The following ZDHHC11B variants were observed in gnomAD, a reference collection of about 807,000 sequenced individuals.
The protein encoded by ZDHHC11B is zDHHC palmitoyltransferase 11B (putative).
Under a neutral mutation model 42.3 loss-of-function variants are expected in ZDHHC11B, and 17 were observed. That is an observed-to-expected ratio of 0.40 (90% CI 0.27 to 0.60). The LOEUF (loss-of-function observed/expected upper bound fraction) is 0.60, where lower values mean the gene tolerates loss of function less well. Among genes scored for constraint, ZDHHC11B ranks in the 20% least tolerant of loss-of-function variants. The probability of loss-of-function intolerance (pLI) is 0.41; values close to 1 mark genes in which losing one functional copy is unlikely to be tolerated. For synonymous variants in ZDHHC11B, 123 were observed against 193.5 expected (o/e 0.64, Z 3.02); for missense variants, 262 against 463.2 (o/e 0.57, Z 3.99).
At chr5:743,609 T>C (rs1453933775) in intron 9 of ZDHHC11B, among the ~76,000 whole-genome samples, 1 of 149,778 alleles carries the variant, frequency 6.7e-6, no homozygotes, top group Non-Finnish European at 1.5e-5. Flanking sequence ...TAGCTTTCAG[T>C]GTACATATTT....
intron 12 of ZDHHC11B, among the ~76,000 whole-genome samples, chr5:720,830 G>A (rs1742128449): frequency 6.6e-6 from 1 of 151,610 alleles, no homozygotes; most frequent in African/African-American, 2.4e-5. Context: ...CTAAGTTGGG[G>A]CTGACTGTAG....
chr5:776,319 T>A lies in ZDHHC11B; in HGVS notation c.-229-7389A>T, dbSNP rs184877111. On this transcript the variant is annotated intron_variant, in intron 1 of 13. Transcript: ENST00000508859. ...CCACCTTGGCACCGAAGCCCTGGGATGGCCCCTCTGCAACGCCCAGTGCTC... is the reference window on the plus strand; with the variant it reads ...CCACCTTGGCACCGAAGCCCTGGGAAGGCCCCTCTGCAACGCCCAGTGCTC... 4.7e-3 allele frequency among the ~76,000 whole-genome samples: 709 copies of A among 151,694 alleles called. 5 individuals are homozygous for A. The highest frequency in any genetic ancestry group is 4.3e-3 in the Non-Finnish European group (290 of 67,786).
rs1440996624 is a variant in ZDHHC11B, at chr5:743,647, T to C, written c.900+1536A>G. On this transcript the variant is annotated intron_variant, in intron 9 of 13. Transcript: ENST00000508859. ...CCAAGGTTTGTTAAATTTATTCTTTTTTCATTAGATTATGAAAGGAAGTTT... is the reference window on the plus strand; with the variant it reads ...CCAAGGTTTGTTAAATTTATTCTTTCTTCATTAGATTATGAAAGGAAGTTT... Among the ~76,000 whole-genome samples, 3 of 149,968 alleles carry C rather than the reference T, an allele frequency of 2.0e-5. No homozygotes were observed. In the Admixed American group the frequency reaches 2.0e-4, roughly 10 times the overall value.
rs1258857558 is a variant in ZDHHC11B, at chr5:770,314, G to A, written c.-229-1384C>T. 4.6e-3 allele frequency among the ~76,000 whole-genome samples: 691 copies of A among 148,960 alleles called. 8 individuals are homozygous for A. Among genetic ancestry groups the A allele is most frequent in the African/African-American group, 0.016 (628 of 40,100 alleles). On this transcript the variant is annotated intron_variant, in intron 1 of 13. Coordinates refer to ENST00000508859, the MANE Select transcript of ZDHHC11B (RefSeq NM_001351303.2). ...CCCGCAGGCACGCATGTCCAGCCCC[G>A]GGCAGAGTGGAGCCAAGCGAGGCCT...
rs1187915138 is a variant in ZDHHC11B, at chr5:748,468, C to T, written c.720G>A (p.Val240=). ...TLIVVIIRML[V]LLLDLLGLVQ... is the part of the protein sequence containing the mutation. Reference sequence around the variant, plus strand: ...CCAAGCCAAGAAGGTCCAGCAGGAGCACGAGCATCCTGATGATCACGACTA... The same window carrying T: ...CCAAGCCAAGAAGGTCCAGCAGGAGTACGAGCATCCTGATGATCACGACTA... The change falls in exon 8 of 14, where the codon GTG becomes GTA. Residue 240 remains valine, a synonymous_variant. Coordinates refer to ENST00000508859, the MANE Select transcript of ZDHHC11B (RefSeq NM_001351303.2). 4.4e-6 allele frequency: 6 copies of T among 1,363,140 alleles called. 1 individual carries two copies. The highest frequency in any genetic ancestry group is 5.9e-6 in the Non-Finnish European group (6 of 1,024,112). The allele number at this position is 1,363,140 out of a possible 1,614,324, so 84.4% of individuals were successfully genotyped here. A position where few individuals can be genotyped will look rare whatever the true frequency, so the allele number is the denominator to read the frequency against.
Position 716,848 on chromosome 5 carries a change from G to A in ZDHHC11B, c.1076C>T (p.Thr359Ile), listed in dbSNP as rs763369609. Reference protein sequence around the residue: ...TSTLGLQQETTEPMKTDSAES... With the variant: ...TSTLGLQQETIEPMKTDSAES... ...AGCACTGTCAGTTTTCATGGGCTCTGTTGTTTCTTGTTGCAGCCTGTTTGC... is the reference window on the plus strand; with the variant it reads ...AGCACTGTCAGTTTTCATGGGCTCTATTGTTTCTTGTTGCAGCCTGTTTGC... The change falls in exon 13 of 14, where the codon ACA (threonine) becomes ATA (isoleucine). Residue 359 changes from threonine to isoleucine, a missense_variant. Physicochemically the swap from Thr to Ile is moderately conservative, Grantham distance 89 (BLOSUM62 -1). This residue lies in a region of ZDHHC11B where 75 missense variants were observed against 70.1 expected (regional missense o/e 1.07). Coordinates refer to ENST00000508859, the MANE Select transcript of ZDHHC11B (RefSeq NM_001351303.2). 6.2e-7 allele frequency: 1 copy of A among 1,613,136 alleles called. No individual in the cohort carries two copies. Among genetic ancestry groups the A allele is most frequent in the South Asian group, 1.1e-5 (1 of 91,018 alleles).
intron 12 of ZDHHC11B, among the ~76,000 whole-genome samples, chr5:718,301 G>A (rs1741917703): frequency 6.6e-6 from 1 of 151,658 alleles, no homozygotes. Context: ...AACAACCATT[G>A]AGCTATAAAG....
intron 4 of ZDHHC11B, among the ~76,000 whole-genome samples, chr5:761,188 C>T (rs1734564119): frequency 6.6e-6 from 1 of 151,916 alleles, no homozygotes; most frequent in African/African-American, 2.4e-5. Flanking sequence ...CCTGTCTTCT[C>T]ACCTGCCATG....
At chr5:775,960 G>A (rs1284649116) in intron 1 of ZDHHC11B, among the ~76,000 whole-genome samples, 2 of 142,486 alleles carry the variant, frequency 1.4e-5, no homozygotes, top group East Asian at 4.0e-4. Context: ...GTGCATGCCA[G>A]GAACCCCTGG....
chr5:715,828 G>A (rs1435745467), intron 13 of ZDHHC11B, among the ~76,000 whole-genome samples: 1 of 151,424 alleles, frequency 6.6e-6, no homozygotes, highest in Non-Finnish European at 1.5e-5. Flanking sequence ...TGTGCTGCTG[G>A]GAGACCTTGA....
chr5:724,144 T>G (rs1742387669), intron 12 of ZDHHC11B, among the ~76,000 whole-genome samples: 1 of 151,766 alleles, frequency 6.6e-6, no homozygotes, highest in Non-Finnish European at 1.5e-5. Flanking sequence ...CCAGGCTCCC[T>G]CACTCAGTTC....
At chr5:754,580 G>A (rs372020564) in intron 6 of ZDHHC11B, among the ~76,000 whole-genome samples, 481 of 73,916 alleles carry the variant, frequency 6.5e-3, no homozygotes, top group South Asian at 8.0e-3. Context: ...CCTCTCATCT[G>A]TGAGCCTCCA....
intron 7 of ZDHHC11B, among the ~76,000 whole-genome samples, chr5:750,377 A>ACC (rs1474121044): frequency 7.3e-6 from 1 of 137,260 alleles, no homozygotes; most frequent in Non-Finnish European, 1.6e-5. Context: ...GCTCCGGGCG[A>ACC]CCCCGGGCTG....
Position 761,615 on chromosome 5 carries a change from G to A in ZDHHC11B, c.222+5083C>T, listed in dbSNP as rs1179907689. On this transcript the variant is annotated intron_variant, in intron 4 of 13. Coordinates refer to ENST00000508859, the MANE Select transcript of ZDHHC11B (RefSeq NM_001351303.2). ...GCAAGGCTGGCAGTGTGTGCCGGGT[G>A]GACACGTGGGTTGCCACGTTCCAGC... 1.3e-5 allele frequency among the ~76,000 whole-genome samples: 2 copies of A among 151,874 alleles called. 1 individual carries two copies. Among genetic ancestry groups the A allele is most frequent in the Non-Finnish European group, 2.9e-5 (2 of 67,910 alleles).
chr5:766,353 A>C (rs1302789601), intron 4 of ZDHHC11B, among the ~76,000 whole-genome samples: 1 of 151,804 alleles, frequency 6.6e-6, no homozygotes, highest in Non-Finnish European at 1.5e-5. Context: ...CTGCTGGGAG[A>C]TGGGAGCAGA....
intron 1 of ZDHHC11B, among the ~76,000 whole-genome samples, chr5:777,895 C>T (rs1350936505): frequency 6.6e-6 from 1 of 151,450 alleles, no homozygotes; most frequent in East Asian, 1.9e-4. Context: ...GCCCCAGCAC[C>T]GAGGGAGCCC....
rs200099410 is a variant in ZDHHC11B, at chr5:763,385, AAAGAAGAAG to A, written c.222+3304_222+3312del. The stretch of plus-strand genomic sequence containing the variant: ...ACTCCCATCTCGGGAAAAAAAAAAA[AAAGAAGAAG>A]AAGAAGAAAAATACAACCTATGAAA... On this transcript the variant is annotated intron_variant, in intron 4 of 13. Transcript: ENST00000508859. Among the ~76,000 whole-genome samples, 50 of 149,950 alleles carry A rather than the reference AAAGAAGAAG, an allele frequency of 3.3e-4. 2 individuals carry two copies. Among genetic ancestry groups the A allele is most frequent in the Middle Eastern group, 3.5e-3 (1 of 288 alleles).
At chr5:756,382 G>T (rs1181059066) in intron 4 of ZDHHC11B, among the ~76,000 whole-genome samples, 1 of 151,104 alleles carries the variant, frequency 6.6e-6, no homozygotes, top group Non-Finnish European at 1.5e-5. Context: ...ACCCAGCCCC[G>T]TCCACTCGGC....
chr5:739,095 G>A lies in ZDHHC11B; in HGVS notation c.935+2499C>T, dbSNP rs1393539749. Among the ~76,000 whole-genome samples the A allele has an allele frequency of 6.0e-5, 9 of 149,654 alleles. 1 individual carries two copies. Among genetic ancestry groups the A allele is most frequent in the South Asian group, 2.2e-4 (1 of 4,634 alleles). On this transcript the variant is annotated intron_variant, in intron 10 of 13. Transcript: ENST00000508859. ...ATCTAAAAGGAACTCAAACAAATCCGCAAAAAAAAAACAAATCATCCAATT... is the reference window on the plus strand; with the variant it reads ...ATCTAAAAGGAACTCAAACAAATCCACAAAAAAAAAACAAATCATCCAATT...
Sources: gnomAD v4.1 joint callset for allele counts (sites outside exome capture counted in the v4.1 genomes callset) on GRCh38, gnomAD v4.1.1 for gene constraint, gnomAD v4.1.1 regional missense constraint, MANE v1.5 for transcripts, NCBI Gene and HGNC (gene_info 2026-07-23, HGNC 2026-07-21) for gene names.